Variants in CROT observed in about 807,000 individuals in gnomAD.
The protein encoded by CROT is carnitine O-octanoyltransferase, also known as peroxisomal carnitine O-octanoyltransferase.
CROT carries 84 observed loss-of-function variants against 89.2 expected under a neutral mutation model. That is an observed-to-expected ratio of 0.94 (90% confidence interval 0.79 to 1.13). The LOEUF is 1.13. Ranked by LOEUF, CROT falls within the 50% of genes most tolerant of loss-of-function variation. CROT has a pLI of 0.00. For synonymous variants in CROT, 212 were observed against 239.5 expected (o/e 0.89, Z 1.06); for missense variants, 711 against 727.8 (o/e 0.98, Z 0.27).
chr7:87,386,439 T>G (rs1470000268), intron 13 of CROT, among the ~76,000 whole-genome samples: 1 of 152,212 alleles, frequency 6.6e-6, no homozygotes, highest in African/African-American at 2.4e-5. Context: ...TTTTCCAATT[T>G]GTTGGCATAT....
chr7:87,369,565 C>A, intron 7 of CROT, 81 bp downstream of exon 7: 2 of 774,858 alleles, frequency 2.6e-6, no homozygotes, highest in African/African-American at 1.8e-5. Context: ...AATTGCCTTT[C>A]AAGGTGATAG....
At chr7:87,347,878 C>T (rs186337309) in intron 2 of CROT, among the ~76,000 whole-genome samples, 3 of 151,972 alleles carry the variant, frequency 2.0e-5, no homozygotes, top group Non-Finnish European at 2.9e-5. Flanking sequence ...GGGAGCATGA[C>T]CTGGAAGTGA....
intron 17 of CROT, among the ~76,000 whole-genome samples, chr7:87,394,755 C>T (rs984551688): frequency 4.0e-5 from 6 of 151,724 alleles, no homozygotes; most frequent in East Asian, 1.9e-4. Flanking sequence ...CTAGAAAAAG[C>T]GAAGTTATTA....
intron 3 of CROT, among the ~76,000 whole-genome samples, chr7:87,352,483 G>A (rs1399515803): frequency 1.3e-5 from 2 of 152,142 alleles, no homozygotes; most frequent in African/African-American, 4.8e-5. Flanking sequence ...AAAGCCAAAT[G>A]GGACGGTTAT....
chr7:87,385,023 G>C (rs1275033109), intron 13 of CROT, among the ~76,000 whole-genome samples: 7 of 152,004 alleles, frequency 4.6e-5, no homozygotes. Context: ...TTTATTTCTG[G>C]GTTCTCTATT....
At chr7:87,390,872 G>C (rs1009345392) in intron 13 of CROT, among the ~76,000 whole-genome samples, 1 of 152,146 alleles carries the variant, frequency 6.6e-6, no homozygotes, top group Non-Finnish European at 1.5e-5. Context: ...TTGTGGGTCA[G>C]TAATTTTATA....
At position 87,398,545 on chromosome 7, in the gene CROT, C is replaced by T. The variant is rs1458951322; in HGVS notation, c.1740C>T (p.Ala580=). Residue 580 remains alanine, a synonymous_variant, in exon 18 of 18, where the codon GCC becomes GCT. Coordinates refer to ENST00000331536, the MANE Select transcript of CROT (RefSeq NM_021151.4). ...ACAGGTTTGTTGTGGCCTGTTCAGC[C>T]TGGAAATCCTGTCCCGAGACTGATG... ...RDDRFVVACS[A]WKSCPETDAE... 5.6e-6 allele frequency: 9 copies of T among 1,613,788 alleles called. No homozygotes were observed. The highest frequency in any genetic ancestry group is 8.5e-7 in the Non-Finnish European group (1 of 1,179,882).
intron 1 of CROT, 138 bp downstream of exon 1, chr7:87,345,905 CAG>C (rs1014330366): frequency 6.4e-6 from 1 of 155,704 alleles, no homozygotes; most frequent in Non-Finnish European, 1.4e-5. Flanking sequence ...GCTGGGGTCT[CAG>C]GGGTACCCTC....
intron 7 of CROT, among the ~76,000 whole-genome samples, chr7:87,374,638 GA>G (rs1405855153): frequency 6.6e-6 from 1 of 152,072 alleles, no homozygotes. Flanking sequence ...GCAGATTGGT[GA>G]AGAAACCCTT....
At chr7:87,348,525 C>G (rs1456358883) in intron 2 of CROT, among the ~76,000 whole-genome samples, 1 of 152,156 alleles carries the variant, frequency 6.6e-6, no homozygotes. Flanking sequence ...ACACATAATC[C>G]TTTTCTATAC....
At chr7:87,375,032 A>G (rs1416565756) in intron 7 of CROT, among the ~76,000 whole-genome samples, 2 of 152,076 alleles carry the variant, frequency 1.3e-5, no homozygotes, top group East Asian at 1.9e-4. Flanking sequence ...AAATTCACCA[A>G]TCTAGGAGCA....
intron 7 of CROT, among the ~76,000 whole-genome samples, chr7:87,372,008 A>AC (rs1491191378): frequency 1.2e-3 from 49 of 42,080 alleles, no homozygotes; most frequent in Non-Finnish European, 1.8e-3. Context: ...AAAAAAAAAC[A>AC]AAAAAAAAAA....
chr7:87,380,763 C>T (rs1011424215), intron 10 of CROT, among the ~76,000 whole-genome samples: 1 of 152,174 alleles, frequency 6.6e-6, no homozygotes, highest in African/African-American at 2.4e-5. Flanking sequence ...TTCCTACTGG[C>T]TCCAGTAAAA....
intron 7 of CROT, among the ~76,000 whole-genome samples, chr7:87,370,132 A>G (rs1056673839): frequency 4.6e-5 from 7 of 152,188 alleles, no homozygotes; most frequent in Non-Finnish European, 7.3e-5. Flanking sequence ...TCTAAAATAG[A>G]AGGACTCTTA....
chr7:87,388,171 C>G (rs973929817), intron 13 of CROT, among the ~76,000 whole-genome samples: 1 of 152,018 alleles, frequency 6.6e-6, no homozygotes, highest in African/African-American at 2.4e-5. Flanking sequence ...GATCTTGACC[C>G]TCATATCCTG....
intron 13 of CROT, among the ~76,000 whole-genome samples, chr7:87,385,219 AT>A: frequency 7.4e-6 from 1 of 135,292 alleles, no homozygotes; most frequent in South Asian, 2.3e-4. Context: ...TTTTTTTCCT[AT>A]TTTTGTGAAG....
At chr7:87,353,172 T>A (rs538286774) in intron 3 of CROT, among the ~76,000 whole-genome samples, 7 of 152,088 alleles carry the variant, frequency 4.6e-5, no homozygotes, top group Admixed American at 1.3e-4. Context: ...TTTTGAAACA[T>A]GGTCTCGTTC....
At chr7:87,373,399 T>C (rs1806702358) in intron 7 of CROT, among the ~76,000 whole-genome samples, 1 of 152,132 alleles carries the variant, frequency 6.6e-6, no homozygotes, top group African/African-American at 2.4e-5. Flanking sequence ...ATGGCCTCTT[T>C]TGATGCACAA....
At chr7:87,365,229 C>A (rs959667167) in intron 6 of CROT, among the ~76,000 whole-genome samples, 1 of 152,162 alleles carries the variant, frequency 6.6e-6, no homozygotes, top group African/African-American at 2.4e-5. Flanking sequence ...TGGCTCATGC[C>A]TGTAATCCCA....
Sources: gnomAD v4.1 joint callset for allele counts (sites outside exome capture counted in the v4.1 genomes callset) on GRCh38, gnomAD v4.1.1 for gene constraint, MANE v1.5 for transcripts, NCBI Gene and HGNC (gene_info 2026-07-23, HGNC 2026-07-21) for gene names.